PSMB10: variants seen among roughly 807,000 people sequenced by gnomAD.
PSMB10 encodes proteasome 20S subunit beta 10, also known as proteasome subunit beta type-10.
In PSMB10, 29 loss-of-function variants were observed where a neutral mutation model predicts 29.8. That is an observed-to-expected ratio of 0.97 (90% CI 0.73 to 1.33). The LOEUF (loss-of-function observed/expected upper bound fraction) is 1.33. PSMB10 is among the 40% of genes most tolerant of loss of function. The pLI is 0.00. For missense variants in PSMB10, 327 were observed against 369.2 expected, an observed-to-expected ratio of 0.89 and a Z score of 0.94; for synonymous variants, 157 against 164.7, an observed-to-expected ratio of 0.95 and a Z score of 0.36.
In PSMB10 at chr16:67,936,223, G is replaced by T. The variant is rs540222447; in HGVS notation, c.234C>A (p.Pro78=). The change falls in exon 3 of 8, where the codon CCC becomes CCA. Residue 78 remains proline (P), a synonymous_variant. Coordinates refer to ENST00000358514, the MANE Select transcript of PSMB10 (RefSeq NM_002801.4). ...GGGCTCGGGAGTCTCACTAGATTTT[G>T]GGGGCGATGAAGTGGATCTTCTCGC... ...KSCEKIHFIA[P]KIYCCGAGVA... 2.5e-6 allele frequency: 4 copies of T among 1,613,880 alleles called. No individual in the cohort carries two copies. The highest frequency in any genetic ancestry group is 3.4e-6 in the Non-Finnish European group (4 of 1,179,958).
rs553495244 is a variant in PSMB10 at position 67,935,556 on chromosome 16, CGAG to C, written c.499+23_499+25del. ...AGGCCAAGGTCACAGGGGCAGAGTT[CGAG>C]GAGAAGGGACAGAAGCGCTCACCCA... is the stretch of plus-strand genomic sequence containing the variant. On this transcript the variant is annotated intron_variant, in intron 5 of 7. Transcript: ENST00000358514. 177 of 1,613,940 alleles carry C rather than the reference CGAG, an allele frequency of 1.1e-4. 1 individual carries two copies. In the East Asian group the frequency reaches 3.1e-3, roughly 29 times the overall value.
At position 67,936,070 on chromosome 16, in the gene PSMB10, C is replaced by T. The variant is rs778872378; in HGVS notation, c.276G>A (p.Glu92=). The change falls in exon 4 of 8, where the codon GAG becomes GAA. Residue 92 remains glutamate (E), a synonymous_variant. Coordinates refer to ENST00000358514, the MANE Select transcript of PSMB10 (RefSeq NM_002801.4). ...CCGAGVAADA[E]MTTRMVASKM... ...TGGACGCCACCATCCGTGTGGTCAT[C>T]TCGGCGTCCGCGGCTACTCCAGCCC... The T allele has an allele frequency of 3.1e-6, 5 of 1,611,584 alleles. No individual in the cohort carries two copies. The highest frequency in any genetic ancestry group is 4.2e-6 in the Non-Finnish European group (5 of 1,178,264).
chr16:67,935,745 A>C (rs1598199912), intron 4 of PSMB10, 48 bp from the exon 5 acceptor site: 2 of 1,587,058 alleles, frequency 1.3e-6, no homozygotes, highest in Non-Finnish European at 1.7e-6. Flanking sequence ...CCTAGGCCCC[A>C]CCTCTCTATG....
In PSMB10 at chr16:67,935,462, C is replaced by G; in HGVS notation, c.516G>C (p.Ala172=). The G allele has an allele frequency of 2.5e-6, 4 of 1,614,188 alleles. No individual in the cohort carries two copies. The highest frequency in any genetic ancestry group is 3.4e-6 in the Non-Finnish European group (4 of 1,180,054). The change falls in exon 6 of 8, where the codon GCG becomes GCC. Residue 172 remains alanine, a synonymous_variant. Coordinates refer to ENST00000358514, the MANE Select transcript of PSMB10 (RefSeq NM_002801.4). ...ACCGGTCTTCTAGCACCGCCAGGGCCGCGTCCTGACCAGAGCCTGAAGGCA... is the reference window on the plus strand; with the variant it reads ...ACCGGTCTTCTAGCACCGCCAGGGCGGCGTCCTGACCAGAGCCTGAAGGCA... ...PFTALGSGQD[A]ALAVLEDRFQ...
intron 4 of PSMB10, 46 bp from the exon 5 acceptor site, chr16:67,935,743 C>T: frequency 6.3e-7 from 1 of 1,593,698 alleles, no homozygotes; most frequent in Non-Finnish European, 8.6e-7. Flanking sequence ...GGCCTAGGCC[C>T]CACCTCTCTA....
chr16:67,936,105 T>G lies in PSMB10; in HGVS notation c.243-2A>C. The G allele has an allele frequency of 6.2e-7, 1 of 1,608,890 alleles. No homozygotes were observed. Among genetic ancestry groups the G allele is most frequent in the Admixed American group, 1.7e-5 (1 of 59,948 alleles). On this transcript the variant is annotated splice_acceptor_variant, in intron 3 of 7. Transcript: ENST00000358514. LOFTEE classifies it high-confidence loss of function. ...GCGGCTACTCCAGCCCCACAGCAGCTGAGGCAAAAGGGAGGATCGGTGTGG... is the reference window on the plus strand; with the variant it reads ...GCGGCTACTCCAGCCCCACAGCAGCGGAGGCAAAAGGGAGGATCGGTGTGG...
chr16:67,935,923 A>G (rs1315538414), intron 4 of PSMB10, 40 bp downstream of exon 4: 3 of 1,588,834 alleles, frequency 1.9e-6, no homozygotes, highest in Admixed American at 1.7e-5. Flanking sequence ...CCAACCCCGT[A>G]ACTACCCCTG....
rs2058264322 is a variant in PSMB10, at chr16:67,936,388, C to T, written c.144+10G>A. 1.9e-6 allele frequency: 3 copies of T among 1,612,530 alleles called. No homozygotes were observed. The highest frequency in any genetic ancestry group is 2.5e-6 in the Non-Finnish European group (3 of 1,179,152). On this transcript the variant is annotated intron_variant, in intron 2 of 7. Coordinates refer to ENST00000358514, the MANE Select transcript of PSMB10 (RefSeq NM_002801.4). ...TCCCCTCCAGCTCCCCGTCCCTCCC[C>T]GCTGCTCACTTGGAACACCAGGCCC... is the stretch of plus-strand genomic sequence containing the variant.
Position 67,934,536 on chromosome 16 carries a change from T to G in PSMB10, c.*24A>C. The G allele has an allele frequency of 1.3e-6, 2 of 1,599,544 alleles. No homozygotes were observed. Reference sequence around the variant, plus strand: ...CTGTATTTTCTGGGTTTATTCCCCCTTGTTCCAAGCTCTAAGCCTCAGCTT... The same window carrying G: ...CTGTATTTTCTGGGTTTATTCCCCCGTGTTCCAAGCTCTAAGCCTCAGCTT... On this transcript the variant is annotated 3_prime_UTR_variant, in exon 8 of 8. Coordinates refer to ENST00000358514, the MANE Select transcript of PSMB10 (RefSeq NM_002801.4). The surrounding 1 kb of genome is among the most constrained non-coding windows in gnomAD (Gnocchi z 4.3).
Position 67,936,100 on chromosome 16 carries a change from G to C in PSMB10, c.246C>G (p.Cys82Trp). The C allele has an allele frequency of 1.9e-6, 3 of 1,609,054 alleles. No individual in the cohort carries two copies. The highest frequency in any genetic ancestry group is 2.6e-6 in the Non-Finnish European group (3 of 1,176,116). Residue 82 changes from cysteine to tryptophan, a missense_variant, in exon 4 of 8, where the codon TGC (cysteine) becomes TGG (tryptophan). Cys to Trp is a radical substitution (Grantham distance 215). Coordinates refer to ENST00000358514, the MANE Select transcript of PSMB10 (RefSeq NM_002801.4). ...KIHFIAPKIY[C>W]CGAGVAADAE... ...CGTCCGCGGCTACTCCAGCCCCACA[G>C]CAGCTGAGGCAAAAGGGAGGATCGG...
chr16:67,936,604 A>G (rs1487255113), intron 1 of PSMB10, 90 bp downstream of exon 1: 4 of 1,460,868 alleles, frequency 2.7e-6, no homozygotes, highest in African/African-American at 2.8e-5. Context: ...AAGTCGACCA[A>G]CACACCCTCC....
chr16:67,934,577 C>G lies in PSMB10; in HGVS notation c.805G>C (p.Ala269Pro), dbSNP rs373605917. ...TLELVEETVQAMEVE is the reference protein window; with the variant it reads ...TLELVEETVQPMEVE ...GCCTCAGCTTACTCCACCTCCATAG[C>G]CTGCACAGTTTCCTCCACTAGCTCC... The change falls in exon 8 of 8, where the codon GCT becomes CCT. Residue 269 changes from alanine to proline, a missense_variant. By Grantham distance (27) the Ala-to-Pro change is conservative. Coordinates refer to ENST00000358514, the MANE Select transcript of PSMB10 (RefSeq NM_002801.4). The surrounding 1 kb of genome is among the most constrained non-coding windows in gnomAD (Gnocchi z 4.3). 12 of 1,614,024 alleles carry G rather than the reference C, an allele frequency of 7.4e-6. No homozygotes were observed. In the Admixed American group the frequency reaches 1.8e-4, roughly 25 times the overall value.
chr16:67,936,031 G>C lies in PSMB10; in HGVS notation c.315C>G (p.His105Gln). 1 of 1,612,896 alleles carries C rather than the reference G, an allele frequency of 6.2e-7. No homozygotes were observed. The highest frequency in any genetic ancestry group is 8.5e-7 in the Non-Finnish European group (1 of 1,179,530). ...GGGGCTCGCGGCCCGTAGATAACGC[G>C]TGTAGCTCCATCTTGGACGCCACCA... Reference protein sequence around the residue: ...TRMVASKMELHALSTGREPRV... With the variant: ...TRMVASKMELQALSTGREPRV... The change falls in exon 4 of 8, where the codon CAC (histidine) becomes CAG (glutamine). Residue 105 changes from histidine to glutamine, a missense_variant. Coordinates refer to ENST00000358514, the MANE Select transcript of PSMB10 (RefSeq NM_002801.4).
In PSMB10 at chr16:67,935,637, C is replaced by T; in HGVS notation, c.444G>A (p.Gln148=). Residue 148 remains glutamine, a synonymous_variant, in exon 5 of 8, where the codon CAG becomes CAA. Transcript: ENST00000358514. ...IVGGVDLTGP[Q]LYGVHPHGSY... ...AGCCATGGGGATGCACACCGTAGAG[C>T]TGCGGTCCAGTCAGGTCTACGCCGC... The T allele has an allele frequency of 6.2e-7, 1 of 1,614,244 alleles. No homozygotes were observed. The highest frequency in any genetic ancestry group is 8.5e-7 in the Non-Finnish European group (1 of 1,180,042).
At position 67,934,690 on chromosome 16, in the gene PSMB10, A is replaced by G. The variant is rs1294813699; in HGVS notation, c.711-19T>C. On this transcript the variant is annotated intron_variant, in intron 7 of 7. Coordinates refer to ENST00000358514, the MANE Select transcript of PSMB10 (RefSeq NM_002801.4). This position sits in a 1 kb window ranked among gnomAD's most constrained non-coding sequence, Gnocchi z 4.3. ...GCCAGACCTGGGAGGGAGGAGGGAC[A>G]GCCTCTGAACATGGGCCTGTCATGT... 11 of 1,613,638 alleles carry G rather than the reference A, an allele frequency of 6.8e-6. No homozygotes were observed. Among genetic ancestry groups the G allele is most frequent in the Non-Finnish European group, 8.5e-6 (10 of 1,179,598 alleles).
Position 67,936,321 on chromosome 16 carries a change from AGG to A in PSMB10, c.145-11_145-10del. On this transcript the variant is annotated splice_polypyrimidine_tract_variant and intron_variant, in intron 2 of 7. Transcript: ENST00000358514. ...CCCAGAATGACCCCGTCCTGAGGAG[AGG>A]GAGGGACCGCAGCTTCAGTGCCTGC... is the stretch of plus-strand genomic sequence containing the variant. The A allele has an allele frequency of 6.2e-7, 1 of 1,611,966 alleles. No individual in the cohort carries two copies. Among genetic ancestry groups the A allele is most frequent in the Non-Finnish European group, 8.5e-7 (1 of 1,178,784 alleles).
In PSMB10 at chr16:67,935,177, T is replaced by C. The variant is rs949937263; in HGVS notation, c.559-229A>G. 1.1e-4 allele frequency: 79 copies of C among 700,948 alleles called. No individual in the cohort carries two copies. In the Middle Eastern group the frequency reaches 2.0e-3, roughly 18 times the overall value. 43.4% of individuals were successfully genotyped at this position (700,948 alleles called of 1,614,324 possible). A position where few individuals can be genotyped will look rare whatever the true frequency, so the allele number is the denominator to read the frequency against. On this transcript the variant is annotated intron_variant, in intron 6 of 7. Coordinates refer to ENST00000358514, the MANE Select transcript of PSMB10 (RefSeq NM_002801.4). ...ATATAAGTAGGACCCTACTGGTCCTTCTCTCCGCCCTCGGCTCCTAAAGAT... is the reference window on the plus strand; with the variant it reads ...ATATAAGTAGGACCCTACTGGTCCTCCTCTCCGCCCTCGGCTCCTAAAGAT...
rs1555499666 is a variant in PSMB10, at chr16:67,936,227, G to A, written c.230C>T (p.Ala77Val). ...TCGGGAGTCTCACTAGATTTTGGGG[G>A]CGATGAAGTGGATCTTCTCGCAGCT... ...DKSCEKIHFI[A>V]PKIYCCGAGV... is the part of the protein sequence containing the mutation. Residue 77 changes from alanine (A) to valine (V), a missense_variant, in exon 3 of 8, where the codon GCC becomes GTC. Physicochemically the swap from Ala to Val is moderately conservative, Grantham distance 64. Coordinates refer to ENST00000358514, the MANE Select transcript of PSMB10 (RefSeq NM_002801.4). The A allele has an allele frequency of 1.2e-6, 2 of 1,614,054 alleles. No homozygotes were observed. The highest frequency in any genetic ancestry group is 1.7e-6 in the Non-Finnish European group (2 of 1,179,986).
Position 67,934,932 on chromosome 16 carries a change from C to G in PSMB10, c.575G>C (p.Gly192Ala). 1.2e-6 allele frequency: 2 copies of G among 1,612,074 alleles called. No homozygotes were observed. The highest frequency in any genetic ancestry group is 1.7e-6 in the Non-Finnish European group (2 of 1,179,988). ...QPNMTLEAAQ[G>A]LLVEAVTAGI... ...GGCGGTGACGGCTTCCACCAGCAGC[C>G]CCTGAGCAGCCTCCAGCTGCGGTGA... The change falls in exon 7 of 8, where the codon GGG becomes GCG. Residue 192 changes from glycine to alanine, a missense_variant. Coordinates refer to ENST00000358514, the MANE Select transcript of PSMB10 (RefSeq NM_002801.4). The surrounding 1 kb of genome is among the most constrained non-coding windows in gnomAD (Gnocchi z 4.3).
Sources: allele counts gnomAD v4.1 joint callset, GRCh38; gene constraint gnomAD v4.1.1; non-coding constraint Gnocchi (gnomAD v3.1); transcripts MANE v1.5; gene names NCBI Gene and HGNC (gene_info 2026-07-23, HGNC 2026-07-21).